Variants in CD38 observed in about 807,000 individuals in gnomAD.
The protein encoded by CD38 is CD38 molecule.
In CD38, 31 loss-of-function variants were observed where a neutral mutation model predicts 36.3. The ratio of observed to expected loss-of-function variants is 0.85; its 90% CI spans 0.64 to 1.15. The LOEUF is 1.15. CD38 is among the 50% of genes most tolerant of loss of function. The pLI, the probability that CD38 is intolerant of heterozygous loss-of-function variation, is 0.00. For synonymous variants in CD38, 131 were observed against 135.2 expected (o/e 0.97, Z 0.22); for missense variants, 380 against 371.9 (o/e 1.02, Z -0.18).
At chr4:15,790,992 C>T (rs1722967282) in intron 1 of CD38, among the ~76,000 whole-genome samples, 1 of 147,946 alleles carries the variant, frequency 6.8e-6, no homozygotes. Flanking sequence ...GCCACCCCGT[C>T]TGGGAAGTGA....
chr4:15,823,337 C>A (rs997066555), intron 2 of CD38, among the ~76,000 whole-genome samples: 3 of 152,146 alleles, frequency 2.0e-5, no homozygotes, highest in Admixed American at 6.5e-5. Flanking sequence ...TCTAATTAAA[C>A]TAAAGTGCTT....
rs546622052 is a variant in CD38, at chr4:15,850,382, C to G, written c.*1780C>G. The G allele has an allele frequency of 3.5e-4, 54 of 152,284 alleles. No homozygotes were observed. The highest frequency in any genetic ancestry group is 1.2e-3 in the African/African-American group (51 of 41,558). 9.4% of individuals were successfully genotyped at this position (152,284 alleles called of 1,614,324 possible). A position where few individuals can be genotyped will look rare whatever the true frequency, so the allele number is the denominator to read the frequency against. On this transcript the variant is annotated 3_prime_UTR_variant, in exon 8 of 8. Transcript: ENST00000226279. Reference sequence around the variant, plus strand: ...AATTTGAGACTCCTTCAGGGAATGACCACAATTTATTGAAAATAGCCTAAA... The same window carrying G: ...AATTTGAGACTCCTTCAGGGAATGAGCACAATTTATTGAAAATAGCCTAAA...
Position 15,778,707 on chromosome 4 carries a change from A to G in CD38, c.233+60A>G, listed in dbSNP as rs1420795481. 3.2e-6 allele frequency: 4 copies of G among 1,236,080 alleles called. No individual in the cohort carries two copies. The African/African-American group carries it at 6.0e-5, about 18-fold the overall frequency. The allele number at this position is 1,236,080 out of a possible 1,614,324, so 76.6% of individuals were successfully genotyped here. ...GCGGGGACAGCAGGGCCCCGCGCGC[A>G]GGGAAGCCGCCCGGATCGCCCGGAA... is the stretch of plus-strand genomic sequence containing the variant. On this transcript the variant is annotated intron_variant, in intron 1 of 7. Transcript: ENST00000226279. The surrounding 1 kb of genome is among the most constrained non-coding windows in gnomAD (Gnocchi z 4.9).
chr4:15,839,675 G>A (rs929461594), intron 5 of CD38, among the ~76,000 whole-genome samples: 4 of 151,636 alleles, frequency 2.6e-5, no homozygotes, highest in Admixed American at 6.6e-5. Flanking sequence ...TGCCTGCCTC[G>A]GCCTCCCAAA....
rs188007751 is a variant in CD38, at chr4:15,786,284, C to A, written c.233+7637C>A. On this transcript the variant is annotated intron_variant, in intron 1 of 7. Coordinates refer to ENST00000226279, the MANE Select transcript of CD38 (RefSeq NM_001775.4). ...CCCACCCACATCCTGCTGATTGGTT[C>A]ATTTTACAGAGGGCTGATTGGTCTG... 4.5e-3 allele frequency among the ~76,000 whole-genome samples: 693 copies of A among 152,328 alleles called. 6 individuals carry two copies. The highest frequency in any genetic ancestry group is 0.016 in the African/African-American group (660 of 41,572).
intron 2 of CD38, among the ~76,000 whole-genome samples, chr4:15,821,447 A>G (rs965502423): frequency 6.6e-6 from 1 of 152,096 alleles, no homozygotes; most frequent in Non-Finnish European, 1.5e-5. Context: ...ATCGCTAGCT[A>G]GACTAATAAA....
At chr4:15,800,747 A>G (rs1723203013) in intron 1 of CD38, among the ~76,000 whole-genome samples, 1 of 152,166 alleles carries the variant, frequency 6.6e-6, no homozygotes, top group Non-Finnish European at 1.5e-5. Context: ...TGTCTAACAA[A>G]TAAAAATTGA....
chr4:15,821,333 C>A (rs1019653619), intron 2 of CD38, among the ~76,000 whole-genome samples: 2 of 151,030 alleles, frequency 1.3e-5, no homozygotes, highest in African/African-American at 4.9e-5. Flanking sequence ...AAGAAATAAC[C>A]AAGCTCAGAG....
At chr4:15,809,527 C>T (rs1723419794) in intron 1 of CD38, among the ~76,000 whole-genome samples, 1 of 152,200 alleles carries the variant, frequency 6.6e-6, no homozygotes, top group Non-Finnish European at 1.5e-5. Context: ...TCCCCATTCT[C>T]ACTTGGTGGG....
At chr4:15,815,173 T>C (rs1425391022) in intron 1 of CD38, among the ~76,000 whole-genome samples, 1 of 152,208 alleles carries the variant, frequency 6.6e-6, no homozygotes, top group Non-Finnish European at 1.5e-5. Flanking sequence ...ACTGTAGCCT[T>C]GTAGTACACT....
In CD38 at chr4:15,785,645, T is replaced by C. The variant is rs568628392; in HGVS notation, c.233+6998T>C. On this transcript the variant is annotated intron_variant, in intron 1 of 7. Coordinates refer to ENST00000226279, the MANE Select transcript of CD38 (RefSeq NM_001775.4). ...CTGCCAAATGTCAGTTTAGATATTTTGGAGGGAAAAAAGTTGGGAATCAAT... is the reference window on the plus strand; with the variant it reads ...CTGCCAAATGTCAGTTTAGATATTTCGGAGGGAAAAAAGTTGGGAATCAAT... Among the ~76,000 whole-genome samples the C allele has an allele frequency of 3.2e-4, 49 of 152,270 alleles. No individual in the cohort carries two copies. The South Asian group carries it at 8.3e-3, about 26-fold the overall frequency.
chr4:15,786,571 T>C (rs1722837078), intron 1 of CD38, among the ~76,000 whole-genome samples: 1 of 152,238 alleles, frequency 6.6e-6, no homozygotes, highest in Admixed American at 6.5e-5. Context: ...TTACAAACCT[T>C]GAGCCAGACA....
At chr4:15,834,362 C>G (rs1334573056) in intron 4 of CD38, 60 bp downstream of exon 4, 4 of 978,240 alleles carry the variant, frequency 4.1e-6, no homozygotes, top group Non-Finnish European at 6.6e-6. Flanking sequence ...AGACGTTACT[C>G]AGTCAGTGCT....
At chr4:15,790,263 G>A (rs893746298) in intron 1 of CD38, among the ~76,000 whole-genome samples, 5 of 150,678 alleles carry the variant, frequency 3.3e-5, no homozygotes, top group Non-Finnish European at 5.9e-5. Context: ...CTGCCATCTC[G>A]GCTCACTGCA....
chr4:15,778,745 C>T lies in CD38; in HGVS notation c.233+98C>T. 1 of 854,174 alleles carries T rather than the reference C, an allele frequency of 1.2e-6. No individual in the cohort carries two copies. Among genetic ancestry groups the T allele is most frequent in the South Asian group, 1.6e-5 (1 of 62,890 alleles). 52.9% of individuals were successfully genotyped at this position (854,174 alleles called of 1,614,324 possible). On this transcript the variant is annotated intron_variant, in intron 1 of 7. Transcript: ENST00000226279. This position sits in a 1 kb window ranked among gnomAD's most constrained non-coding sequence, Gnocchi z 4.9. ...GGATCGCCCGGAACCGGGCATCTTC[C>T]GTGGCGGGTCAGCCGAGAGCCCGCC...
intron 7 of CD38, among the ~76,000 whole-genome samples, chr4:15,842,251 C>T (rs1353965693): frequency 1.5e-5 from 2 of 130,284 alleles, no homozygotes; most frequent in East Asian, 2.3e-4. Flanking sequence ...GGTCCCTGAC[C>T]CCTGACCCCC....
chr4:15,792,327 C>T (rs1723017341), intron 1 of CD38, among the ~76,000 whole-genome samples: 1 of 123,568 alleles, frequency 8.1e-6, no homozygotes, highest in Non-Finnish European at 1.6e-5. Context: ...AACCAGAGAC[C>T]TTTGTTCACT....
intron 1 of CD38, among the ~76,000 whole-genome samples, chr4:15,789,516 C>A (rs1427836437): frequency 1.3e-5 from 2 of 151,802 alleles, no homozygotes; most frequent in African/African-American, 4.8e-5. Context: ...GGTATGGAAA[C>A]CTAAAGTAAA....
Position 15,778,522 on chromosome 4 carries a change from CGTGGTG to C in CD38, c.109_114del (p.Val37_Val38del). 1 of 1,613,640 alleles carries C rather than the reference CGTGGTG, an allele frequency of 6.2e-7. No homozygotes were observed. Among genetic ancestry groups the C allele is most frequent in the Non-Finnish European group, 8.5e-7 (1 of 1,179,964 alleles). ...TCAGTATCCTGGTCCTGATCCTCGT[CGTGGTG>C]CTCGCGGTGGTCGTCCCGAGGTGGC... On this transcript the variant is annotated inframe_deletion, in exon 1 of 8. Transcript: ENST00000226279. This position sits in a 1 kb window ranked among gnomAD's most constrained non-coding sequence, Gnocchi z 4.9.
Sources: allele counts gnomAD v4.1 joint callset (sites outside exome capture counted in the v4.1 genomes callset), GRCh38; gene constraint gnomAD v4.1.1; non-coding constraint Gnocchi (gnomAD v3.1); transcripts MANE v1.5; gene names NCBI Gene and HGNC (gene_info 2026-07-23, HGNC 2026-07-21).